CADPS2: variants seen among roughly 807,000 people sequenced by gnomAD.
CADPS2 encodes the protein calcium dependent secretion activator 2.
A neutral mutation model predicts 172.5 loss-of-function variants in CADPS2; 93 were observed. The ratio of observed to expected loss-of-function variants is 0.54; its 90% CI spans 0.46 to 0.64. CADPS2 has a LOEUF of 0.64. CADPS2 is among the 30% of genes least tolerant of loss of function. The pLI, the probability that CADPS2 is intolerant of heterozygous loss-of-function variation, is 0.00. For missense variants in CADPS2, 1,420 were observed against 1,565.9 expected (o/e 0.91, Z 1.57); for synonymous variants, 546 against 555.2 (o/e 0.98, Z 0.23).
At chr7:122,658,242 A>C (rs1255710868) in intron 3 of CADPS2, among the ~76,000 whole-genome samples, 2 of 152,190 alleles carry the variant, frequency 1.3e-5, no homozygotes, top group Non-Finnish European at 2.9e-5. Flanking sequence ...AGGAAACAAC[A>C]GGTGCTGGAG....
chr7:122,822,323 A>G (rs1475871137), intron 1 of CADPS2, among the ~76,000 whole-genome samples: 2 of 151,874 alleles, frequency 1.3e-5, no homozygotes, highest in East Asian at 3.9e-4. Flanking sequence ...TCATTCTATA[A>G]GACAAATGTT....
chr7:122,675,064 C>T (rs1336966828), intron 2 of CADPS2, among the ~76,000 whole-genome samples: 1 of 152,132 alleles, frequency 6.6e-6, no homozygotes, highest in African/African-American at 2.4e-5. Context: ...CTTCCTGATT[C>T]ATACGTGTTG....
chr7:122,719,105 A>G (rs1383668410), intron 2 of CADPS2, among the ~76,000 whole-genome samples: 2 of 152,060 alleles, frequency 1.3e-5, no homozygotes, highest in African/African-American at 4.8e-5. Context: ...CATCAGAGAC[A>G]TGGGCAAGCC....
rs376450985 is a variant in CADPS2, at chr7:122,541,821, G to A, written c.1475+12729C>T. On this transcript the variant is annotated intron_variant, in intron 8 of 29. Transcript: ENST00000449022. Reference sequence around the variant, plus strand: ...TTCATATATATTTATATATTCATATGTTTATATATTCATATGTTTATATAT... The same window carrying A: ...TTCATATATATTTATATATTCATATATTTATATATTCATATGTTTATATAT... 6.9e-3 allele frequency among the ~76,000 whole-genome samples: 482 copies of A among 69,508 alleles called. 9 individuals are homozygous for A. Among genetic ancestry groups the A allele is most frequent in the African/African-American group, 0.028 (336 of 12,176 alleles). The allele number at this position is 69,508 out of a possible 152,430, so 45.6% of individuals were successfully genotyped here.
chr7:122,832,977 G>T (rs1463277978), intron 1 of CADPS2, among the ~76,000 whole-genome samples: 2 of 152,094 alleles, frequency 1.3e-5, no homozygotes, highest in Admixed American at 1.3e-4. Context: ...GTCTTTAACT[G>T]CAGAACAGCA....
intron 2 of CADPS2, among the ~76,000 whole-genome samples, 187 bp from the exon 3 acceptor site, chr7:122,663,756 A>C (rs902789049): frequency 6.6e-6 from 1 of 152,228 alleles, no homozygotes; most frequent in Non-Finnish European, 1.5e-5. Context: ...AATCTCTCTA[A>C]AATTTTAAAA....
intron 27 of CADPS2, among the ~76,000 whole-genome samples, chr7:122,349,929 C>A (rs1183791541): frequency 6.6e-6 from 1 of 152,178 alleles, no homozygotes; most frequent in Non-Finnish European, 1.5e-5. Flanking sequence ...TAACCTTCCA[C>A]TGAAGGTTAG....
In CADPS2 at chr7:122,568,549, C is replaced by G. The variant is rs532481527; in HGVS notation, c.1335+12630G>C. 3.9e-5 allele frequency among the ~76,000 whole-genome samples: 6 copies of G among 152,142 alleles called. No individual in the cohort carries two copies. The South Asian group carries it at 6.2e-4, about 16-fold the overall frequency. On this transcript the variant is annotated intron_variant, in intron 7 of 29. Transcript: ENST00000449022. ...ACAGAATAGAGAGTCCAGGAATAGG[C>G]TTACAGATATATAGATAATTGATTT...
intron 14 of CADPS2, among the ~76,000 whole-genome samples, chr7:122,454,202 T>G (rs1586201943): frequency 6.6e-6 from 1 of 152,334 alleles, no homozygotes; most frequent in East Asian, 1.9e-4. Context: ...TGATGAGCAC[T>G]TATAGAATTT....
chr7:122,865,588 A>G (rs1206283912), intron 1 of CADPS2, among the ~76,000 whole-genome samples: 2 of 152,198 alleles, frequency 1.3e-5, no homozygotes, highest in African/African-American at 2.4e-5. Context: ...TGCCTCTGCA[A>G]TTCCTCATTA....
At chr7:122,431,791 C>A (rs2049950957) in intron 17 of CADPS2, among the ~76,000 whole-genome samples, 1 of 151,862 alleles carries the variant, frequency 6.6e-6, no homozygotes, top group Non-Finnish European at 1.5e-5. Context: ...GGGTTTGAGA[C>A]CAGCCTGGCC....
At chr7:122,607,708 A>T (rs2133683474) in intron 6 of CADPS2, among the ~76,000 whole-genome samples, 1 of 152,272 alleles carries the variant, frequency 6.6e-6, no homozygotes, top group East Asian at 1.9e-4. Context: ...CTTTATTATA[A>T]ATAAATTCTC....
intron 2 of CADPS2, among the ~76,000 whole-genome samples, chr7:122,726,089 A>T (rs1275795857): frequency 1.3e-5 from 2 of 151,900 alleles, no homozygotes; most frequent in Non-Finnish European, 2.9e-5. Context: ...CCATTCACCC[A>T]TCTGGATTCA....
chr7:122,817,748 G>A lies in CADPS2; in HGVS notation c.339+68251C>T, dbSNP rs150341970. Among the ~76,000 whole-genome samples the A allele has an allele frequency of 5.3e-3, 799 of 151,946 alleles. 10 individuals are homozygous for A. Among genetic ancestry groups the A allele is most frequent in the Admixed American group, 0.013 (191 of 15,252 alleles). On this transcript the variant is annotated intron_variant, in intron 1 of 29. Coordinates refer to ENST00000449022, the MANE Select transcript of CADPS2 (RefSeq NM_017954.11). ...AACCCCTTCTCCTTCACTCTTAGCG[G>A]CAAGTCCTGCTTTTCTAGAGGGGCA...
At chr7:122,626,833 T>A (rs545243113) in intron 4 of CADPS2, among the ~76,000 whole-genome samples, 1 of 152,222 alleles carries the variant, frequency 6.6e-6, no homozygotes, top group Non-Finnish European at 1.5e-5. Context: ...CCTACTATTA[T>A]GTTTAGAAAA....
At chr7:122,517,297 C>G (rs960951780) in intron 8 of CADPS2, among the ~76,000 whole-genome samples, 1 of 152,044 alleles carries the variant, frequency 6.6e-6, no homozygotes, top group Non-Finnish European at 1.5e-5. Context: ...TGTTTATTCA[C>G]TAGTTGGTGG....
chr7:122,826,886 AAAG>A (rs1341976334), intron 1 of CADPS2, among the ~76,000 whole-genome samples: 1 of 152,156 alleles, frequency 6.6e-6, no homozygotes, highest in Admixed American at 6.5e-5. Flanking sequence ...GAACCCAGAA[AAAG>A]AATAAATTCA....
Position 122,816,619 on chromosome 7 carries a change from A to C in CADPS2, c.339+69380T>G, listed in dbSNP as rs528635283. 3.0e-3 allele frequency among the ~76,000 whole-genome samples: 451 copies of C among 152,340 alleles called. 1 individual carries two copies. The highest frequency in any genetic ancestry group is 0.012 in the South Asian group (57 of 4,824). On this transcript the variant is annotated intron_variant, in intron 1 of 29. Transcript: ENST00000449022. ...TGGAGGAACCTCCATACTGTTTTCC[A>C]TAATAGCTTTGTGAATGTACATTCT...
At chr7:122,578,590 T>A (rs1254297054) in intron 7 of CADPS2, among the ~76,000 whole-genome samples, 2 of 152,110 alleles carry the variant, frequency 1.3e-5, no homozygotes. Context: ...AGAATTTGCA[T>A]ATCTAATGTG....
Sources: gnomAD v4.1 joint callset for allele counts (sites outside exome capture counted in the v4.1 genomes callset) on GRCh38, gnomAD v4.1.1 for gene constraint, MANE v1.5 for transcripts, NCBI Gene and HGNC (gene_info 2026-07-23, HGNC 2026-07-21) for gene names.